The following HDAC8 variants were observed in gnomAD, a reference collection of about 807,000 sequenced individuals.
HDAC8 encodes the protein histone deacetylase-like 1.
HDAC8 carries 1 observed loss-of-function variant against 32.2 expected under a neutral mutation model. The ratio of observed to expected loss-of-function variants is 0.03; its 90% CI spans 0.01 to 0.15. The LOEUF (loss-of-function observed/expected upper bound fraction) is 0.15. Among genes scored for constraint, HDAC8 ranks in the 10% least tolerant of loss-of-function variants. The probability of loss-of-function intolerance (pLI) is 1.00; values close to 1 mark genes in which losing one functional copy is unlikely to be tolerated. For synonymous variants in HDAC8, 108 were observed against 113.9 expected (o/e 0.95, Z 0.33); for missense variants, 117 against 300.0 (o/e 0.39, Z 4.51).
chrX:72,482,213 A>G (rs1194463214), intron 7 of HDAC8, among the ~76,000 whole-genome samples: 2 of 111,363 alleles, frequency 1.8e-5, no homozygotes, highest in African/African-American at 6.5e-5. Context: ...CTATAGTTTA[A>G]AAATGCATGA....
At chrX:72,380,237 A>G (rs1431848664) in intron 9 of HDAC8, among the ~76,000 whole-genome samples, 1 of 111,930 alleles carries the variant, frequency 8.9e-6, no homozygotes, top group Non-Finnish European at 1.9e-5. Context: ...ACCTATTACC[A>G]TAGGCAGCTG....
intron 4 of HDAC8, among the ~76,000 whole-genome samples, chrX:72,562,305 A>G (rs1489420040): frequency 8.9e-6 from 1 of 112,759 alleles, no homozygotes; most frequent in East Asian, 2.8e-4. Context: ...CAACAAGTGG[A>G]TAAAGAAAAT....
chrX:72,420,107 A>G (rs1488432388), intron 9 of HDAC8, among the ~76,000 whole-genome samples: 2 of 111,487 alleles, frequency 1.8e-5, no homozygotes, highest in East Asian at 5.6e-4. Context: ...GGTAATGCTG[A>G]TCTCATAGAA....
chrX:72,556,383 T>G (rs2051283218), intron 4 of HDAC8, among the ~76,000 whole-genome samples: 1 of 111,772 alleles, frequency 8.9e-6, no homozygotes, highest in South Asian at 3.7e-4. Context: ...ACTAGCATGA[T>G]GAATAGAATA....
chrX:72,338,243 C>T (rs1200735177), intron 10 of HDAC8, among the ~76,000 whole-genome samples: 2 of 111,711 alleles, frequency 1.8e-5, no homozygotes, highest in Non-Finnish European at 3.8e-5. Flanking sequence ...CTCAGTAGTG[C>T]CTGACACCTA....
chrX:72,352,782 A>G (rs1191114606), intron 9 of HDAC8, among the ~76,000 whole-genome samples: 1 of 111,904 alleles, frequency 8.9e-6, no homozygotes, highest in Non-Finnish European at 1.9e-5. Flanking sequence ...ACCACTGGGG[A>G]GTCACAATAT....
intron 10 of HDAC8, among the ~76,000 whole-genome samples, chrX:72,336,993 G>T (rs1394905592): frequency 9.0e-6 from 1 of 111,578 alleles, no homozygotes; most frequent in Admixed American, 9.5e-5. Flanking sequence ...CAATCGATCT[G>T]CCCACCTTGG....
chrX:72,329,867 C>T lies in HDAC8; in HGVS notation c.*187G>A. ...TTCTTCCCCTAGGTCCAGTTGAGGA[C>T]TCTGGGGTGCCTGCCTCTTCACCCC... On this transcript the variant is annotated 3_prime_UTR_variant, in exon 11 of 11. Coordinates refer to ENST00000373573, the MANE Select transcript of HDAC8 (RefSeq NM_018486.3). The T allele has an allele frequency of 1.2e-6, 1 of 842,951 alleles. No homozygotes were observed. 69.5% of individuals were successfully genotyped at this position (842,951 alleles called of 1,213,427 possible). A position where few individuals can be genotyped will look rare whatever the true frequency, so the allele number is the denominator to read the frequency against.
chrX:72,520,507 GTCTC>G (rs1460843571), intron 4 of HDAC8, among the ~76,000 whole-genome samples: 47 of 111,901 alleles, frequency 4.2e-4, no homozygotes, highest in African/African-American at 1.5e-3. Context: ...CCACATTTCT[GTCTC>G]TCTCTCACAC....
intron 9 of HDAC8, among the ~76,000 whole-genome samples, chrX:72,434,237 A>T (rs1182632221): frequency 3.6e-5 from 4 of 111,631 alleles, no homozygotes; most frequent in African/African-American, 6.5e-5. Flanking sequence ...TCTCATTGGT[A>T]AATGGGGTAT....
intron 7 of HDAC8, among the ~76,000 whole-genome samples, chrX:72,475,827 C>A (rs1556000290): frequency 9.0e-6 from 1 of 111,498 alleles, no homozygotes; most frequent in Non-Finnish European, 1.9e-5. Context: ...ACCAACCAAC[C>A]AACCAAACAA....
At chrX:72,363,155 C>T (rs1438800965) in intron 9 of HDAC8, among the ~76,000 whole-genome samples, 2 of 111,985 alleles carry the variant, frequency 1.8e-5, no homozygotes, top group African/African-American at 6.5e-5. Flanking sequence ...TAATACCTTG[C>T]CCCATCACTG....
intron 9 of HDAC8, among the ~76,000 whole-genome samples, chrX:72,398,012 T>C (rs1479459980): frequency 8.9e-6 from 1 of 112,074 alleles, no homozygotes; most frequent in Admixed American, 9.4e-5. Context: ...ATGTTGAAAG[T>C]TATTAGATAA....
chrX:72,540,905 C>T (rs138523547), intron 4 of HDAC8, among the ~76,000 whole-genome samples: 282 of 111,519 alleles, frequency 2.5e-3, no homozygotes, highest in African/African-American at 6.7e-3. Context: ...GCAACTTTCA[C>T]GCTTGTCCAT....
chrX:72,427,602 TG>T (rs58102359), intron 9 of HDAC8, among the ~76,000 whole-genome samples: 16,534 of 32,764 alleles, frequency 0.5, 3,874 homozygotes, highest in East Asian at 0.79. Flanking sequence ...TGTTGTGGGG[TG>T]GGGGGGGGGA....
chrX:72,359,796 T>G (rs965192446), intron 9 of HDAC8, among the ~76,000 whole-genome samples: 5 of 111,170 alleles, frequency 4.5e-5, no homozygotes, highest in African/African-American at 1.3e-4. Context: ...GGCTCTCTCC[T>G]GTAATCCTAG....
intron 10 of HDAC8, among the ~76,000 whole-genome samples, chrX:72,331,187 C>T (rs2043514050): frequency 9.1e-6 from 1 of 110,160 alleles, no homozygotes; most frequent in Non-Finnish European, 1.9e-5. Context: ...TCTCGTGATC[C>T]ACCCGACTCG....
intron 4 of HDAC8, among the ~76,000 whole-genome samples, chrX:72,516,628 G>A (rs967395062): frequency 1.8e-5 from 2 of 110,907 alleles, no homozygotes; most frequent in East Asian, 5.7e-4. Flanking sequence ...ACAGCCAAGT[G>A]CTTTTGGAAA....
intron 9 of HDAC8, among the ~76,000 whole-genome samples, chrX:72,441,108 G>T (rs888565057): frequency 3.5e-5 from 4 of 113,044 alleles, no homozygotes; most frequent in Non-Finnish European, 5.6e-5. Flanking sequence ...CGGGGGCAGG[G>T]CACAGACAAA....
Sources: allele counts gnomAD v4.1 joint callset (sites outside exome capture counted in the v4.1 genomes callset), GRCh38; gene constraint gnomAD v4.1.1; transcripts MANE v1.5; gene names NCBI Gene and HGNC (gene_info 2026-07-23, HGNC 2026-07-21).